The following BMX variants were observed in gnomAD, a reference collection of about 807,000 sequenced individuals.
The protein encoded by BMX is cytoplasmic tyrosine-protein kinase BMX.
A neutral mutation model predicts 59.2 loss-of-function variants in BMX; 31 were observed. That is an observed-to-expected ratio of 0.52 (90% CI 0.39 to 0.71). The LOEUF is 0.71. BMX is among the 30% of genes least tolerant of loss of function. BMX has a pLI of 0.00. For missense variants in BMX, 474 were observed against 491.7 expected (o/e 0.96, Z 0.34); for synonymous variants, 185 against 181.0 (o/e 1.02, Z -0.18).
At chrX:15,536,274 A>G (rs1925336613) in intron 12 of BMX, 79 bp from the exon 13 acceptor site, 2 of 1,003,218 alleles carry the variant, frequency 2.0e-6, no homozygotes, top group African/African-American at 1.9e-5. Context: ...TTGGAGAGAG[A>G]CTAGTTGTGA....
intron 18 of BMX, 96 bp downstream of exon 18, chrX:15,550,093 A>C: frequency 3.9e-6 from 4 of 1,027,216 alleles, no homozygotes; most frequent in Non-Finnish European, 4.0e-6. Context: ...GAGGGAAAGC[A>C]ACTGGTACAG....
chrX:15,515,393 C>T (rs954990321), intron 4 of BMX, among the ~76,000 whole-genome samples: 7 of 110,456 alleles, frequency 6.3e-5, no homozygotes, highest in Non-Finnish European at 9.5e-5. Flanking sequence ...GTTTGATAAT[C>T]GTATTACAGT....
intron 18 of BMX, among the ~76,000 whole-genome samples, chrX:15,553,293 A>G (rs745330932): frequency 2.7e-5 from 3 of 111,672 alleles, no homozygotes; most frequent in Non-Finnish European, 3.8e-5. Flanking sequence ...TATGCTGATG[A>G]GCCCCCGCTT....
chrX:15,536,892 C>T (rs184053960), intron 13 of BMX, among the ~76,000 whole-genome samples: 188 of 111,641 alleles, frequency 1.7e-3, no homozygotes, highest in African/African-American at 5.9e-3. Context: ...ATTGTTTTTA[C>T]TCTGAGCCTT....
In BMX at chrX:15,508,451, TG is replaced by T; in HGVS notation, c.99del (p.Thr34ProfsTer13). 8.4e-7 allele frequency: 1 copy of T among 1,192,271 alleles called. No homozygotes were observed. On this transcript the variant is annotated frameshift_variant, in exon 2 of 19. Coordinates refer to ENST00000348343, the MANE Select transcript of BMX (RefSeq NM_203281.3). LOFTEE classifies it high-confidence loss of function. ...AATTACAAAGAACGGCTTTTTGTTT[TG>T]ACCAAAACAAACCTTTCCTACTATG... Reference protein sequence around the residue: ...PNNYKERLFVLTKTNLSYYEY... With the variant: ...PNNYKERLFVXTKTNLSYYEY...
intron 16 of BMX, among the ~76,000 whole-genome samples, chrX:15,546,424 C>T (rs1020238870): frequency 9.0e-6 from 1 of 111,585 alleles, no homozygotes; most frequent in African/African-American, 3.3e-5. Flanking sequence ...AAAAGCAAAT[C>T]TCAATATAAC....
chrX:15,532,054 A>G (rs770476033), intron 11 of BMX, among the ~76,000 whole-genome samples: 2 of 112,324 alleles, frequency 1.8e-5, no homozygotes, highest in Non-Finnish European at 3.8e-5. Flanking sequence ...AAAGGGGAAC[A>G]TAATGATTGT....
At chrX:15,536,316 A>T (rs369091787) in intron 12 of BMX, 37 bp from the exon 13 acceptor site, 466 of 1,176,066 alleles carry the variant, frequency 4.0e-4, no homozygotes, top group Non-Finnish European at 4.9e-4. Flanking sequence ...GGGATATGAT[A>T]TAATGATGTG....
At position 15,548,044 on chromosome X, in the gene BMX, G is replaced by A. The variant is rs532539309; in HGVS notation, c.1795+1123G>A. Among the ~76,000 whole-genome samples the A allele has an allele frequency of 2.4e-4, 27 of 110,705 alleles. No individual in the cohort carries two copies. In the South Asian group the frequency reaches 5.3e-3, roughly 22 times the overall value. On this transcript the variant is annotated intron_variant, in intron 17 of 18. Coordinates refer to ENST00000348343, the MANE Select transcript of BMX (RefSeq NM_203281.3). ...TCCCTTTGTAAAAGTGGCATTGTTCGTTGTTAAAAAAAAAGATAATCAAAT... is the reference window on the plus strand; with the variant it reads ...TCCCTTTGTAAAAGTGGCATTGTTCATTGTTAAAAAAAAAGATAATCAAAT...
intron 6 of BMX, among the ~76,000 whole-genome samples, chrX:15,519,348 A>T (rs1924330348): frequency 1.8e-5 from 2 of 112,575 alleles, no homozygotes; most frequent in Admixed American, 1.9e-4. Context: ...CCATTATTGT[A>T]GTAGACTGAA....
Position 15,522,553 on chromosome X carries a change from T to G in BMX, c.718T>G (p.Phe240Val), listed in dbSNP as rs371837504. The change falls in exon 7 of 19, where the codon TTC becomes GTC. Residue 240 changes from phenylalanine (F) to valine (V), a missense_variant. By Grantham distance (50) the Phe-to-Val change is conservative. Coordinates refer to ENST00000348343, the MANE Select transcript of BMX (RefSeq NM_203281.3). ...FNMQYIPRED[F>V]PDWWQVRKLK... The stretch of plus-strand genomic sequence containing the variant: ...CATGCAGTATATTCCAAGGGAAGAC[T>G]TCCCTGACTGGTGGCAAGTAAGAAA... 1 of 1,211,847 alleles carries G rather than the reference T, an allele frequency of 8.3e-7. No individual in the cohort carries two copies. Among genetic ancestry groups the G allele is most frequent in the Non-Finnish European group, 1.1e-6 (1 of 895,444 alleles).
chrX:15,545,948 C>T (rs1201370242), intron 16 of BMX, among the ~76,000 whole-genome samples: 1 of 112,178 alleles, frequency 8.9e-6, no homozygotes, highest in African/African-American at 3.2e-5. Context: ...CAAATATGCA[C>T]ATTTACTACT....
chrX:15,527,870 T>C (rs756694569), intron 9 of BMX, among the ~76,000 whole-genome samples: 11 of 112,154 alleles, frequency 9.8e-5, no homozygotes, highest in African/African-American at 3.6e-4. Context: ...AAAGCATTGA[T>C]GGAATAATTC....
At position 15,556,250 on chromosome X, in the gene BMX, T is replaced by G; in HGVS notation, c.*103T>G. The G allele has an allele frequency of 1.4e-6, 1 of 731,597 alleles. No homozygotes were observed. The allele number at this position is 731,597 out of a possible 1,213,427, so 60.3% of individuals were successfully genotyped here. Reference sequence around the variant, plus strand: ...GGCATAATGTAATTTAGCTAGTTTTTAATAGTGTTCTCTGTATTGTCTATT... The same window carrying G: ...GGCATAATGTAATTTAGCTAGTTTTGAATAGTGTTCTCTGTATTGTCTATT... On this transcript the variant is annotated 3_prime_UTR_variant, in exon 19 of 19. Transcript: ENST00000348343.
At chrX:15,549,797 C>T in intron 17 of BMX, 43 bp from the exon 18 acceptor site, 1 of 1,175,295 alleles carries the variant, frequency 8.5e-7, no homozygotes, top group Non-Finnish European at 1.1e-6. Flanking sequence ...CTGATAACAG[C>T]TCTCTTCCTT....
At chrX:15,523,340 GC>G (rs1924559977) in intron 7 of BMX, among the ~76,000 whole-genome samples, 1 of 111,981 alleles carries the variant, frequency 8.9e-6, no homozygotes. Context: ...TGGATACAGA[GC>G]ATCTCTCTGA....
intron 10 of BMX, among the ~76,000 whole-genome samples, 178 bp downstream of exon 10, chrX:15,530,205 A>C (rs1445249827): frequency 8.9e-6 from 1 of 111,977 alleles, no homozygotes; most frequent in Admixed American, 9.5e-5. Flanking sequence ...TTCTGTGTCC[A>C]TTATGTATTG....
chrX:15,530,986 G>A (rs1925042353), intron 10 of BMX, among the ~76,000 whole-genome samples: 1 of 111,516 alleles, frequency 9.0e-6, no homozygotes, highest in African/African-American at 3.3e-5. Context: ...TTTATCAACT[G>A]ATTTATTCTT....
chrX:15,538,157 C>G (rs1164590656), intron 14 of BMX, among the ~76,000 whole-genome samples: 2 of 108,878 alleles, frequency 1.8e-5, no homozygotes, highest in Non-Finnish European at 3.9e-5. Flanking sequence ...TCTTCCCCCT[C>G]TCTCTCTTTC....
Sources: allele counts gnomAD v4.1 joint callset (sites outside exome capture counted in the v4.1 genomes callset), GRCh38; gene constraint gnomAD v4.1.1; transcripts MANE v1.5; gene names NCBI Gene and HGNC (gene_info 2026-07-23, HGNC 2026-07-21).